Variants in STK24 observed in about 807,000 individuals in gnomAD.
The protein encoded by STK24 is serine/threonine kinase 24, also known as serine/threonine-protein kinase 24.
Under a neutral mutation model 55.6 loss-of-function variants are expected in STK24, and 21 were observed. That is an observed-to-expected ratio of 0.38 (90% CI 0.27 to 0.54). The LOEUF is 0.54. STK24 is among the 20% of genes least tolerant of loss of function. STK24 has a pLI of 0.79. For synonymous variants in STK24, 200 were observed against 215.2 expected, an observed-to-expected ratio of 0.93 and a Z score of 0.62; for missense variants, 383 against 538.4, an observed-to-expected ratio of 0.71 and a Z score of 2.86.
intron 5 of STK24, among the ~76,000 whole-genome samples, chr13:98,470,857 GAAGAA>G (rs1413024696): frequency 6.6e-6 from 1 of 152,178 alleles, no homozygotes; most frequent in African/African-American, 2.4e-5. Flanking sequence ...CTATAATCAA[GAAGAA>G]AACCAGGGAT....
chr13:98,478,153 A>G (rs1402917184), intron 3 of STK24, among the ~76,000 whole-genome samples: 1 of 152,198 alleles, frequency 6.6e-6, no homozygotes, highest in Non-Finnish European at 1.5e-5. Flanking sequence ...CCAAGTCAGC[A>G]GCTGGTGTTC....
intron 1 of STK24, among the ~76,000 whole-genome samples, chr13:98,575,585 G>A (rs1239293418): frequency 1.3e-5 from 2 of 152,168 alleles, no homozygotes; most frequent in Non-Finnish European, 2.9e-5. Flanking sequence ...CACTGGAAGA[G>A]GCGAGCAGAC....
chr13:98,563,846 C>T (rs920079572), intron 1 of STK24, among the ~76,000 whole-genome samples: 9 of 149,022 alleles, frequency 6.0e-5, no homozygotes, highest in Non-Finnish European at 8.9e-5. Flanking sequence ...GGTGAAGGAG[C>T]GAGACTCCGT....
At chr13:98,545,230 G>A (rs1951605213) in intron 1 of STK24, among the ~76,000 whole-genome samples, 1 of 152,222 alleles carries the variant, frequency 6.6e-6, no homozygotes, top group Non-Finnish European at 1.5e-5. Flanking sequence ...GATGTTAACA[G>A]TATGTTCTCT....
intron 2 of STK24, among the ~76,000 whole-genome samples, chr13:98,512,710 C>T (rs1895927584): frequency 8.5e-6 from 1 of 117,946 alleles, no homozygotes; most frequent in Non-Finnish European, 2.1e-5. Flanking sequence ...CAGTTTGCTA[C>T]AAAACATGCA....
intron 1 of STK24, among the ~76,000 whole-genome samples, chr13:98,575,844 AGGACG>A (rs1465385099): frequency 6.6e-6 from 1 of 152,164 alleles, no homozygotes; most frequent in Admixed American, 6.5e-5. Flanking sequence ...GAGTTAGCCA[AGGACG>A]GTAGCTTTGT....
At chr13:98,494,611 C>T (rs943590221) in intron 2 of STK24, among the ~76,000 whole-genome samples, 4 of 152,098 alleles carry the variant, frequency 2.6e-5, no homozygotes, top group Admixed American at 6.5e-5. Context: ...GTCTGTTCAA[C>T]GCTTGATTGT....
At chr13:98,474,706 C>G (rs1345993587) in intron 5 of STK24, 115 bp downstream of exon 5, 9 of 1,317,342 alleles carry the variant, frequency 6.8e-6, no homozygotes, top group Non-Finnish European at 9.4e-6. Flanking sequence ...ACCTTTATGA[C>G]CTACCTCAAG....
intron 2 of STK24, among the ~76,000 whole-genome samples, chr13:98,491,472 TA>T (rs1281999107): frequency 6.6e-6 from 1 of 152,004 alleles, no homozygotes; most frequent in Non-Finnish European, 1.5e-5. Flanking sequence ...AACTTAAACA[TA>T]GGGGTGCACG....
intron 1 of STK24, among the ~76,000 whole-genome samples, chr13:98,540,234 A>G (rs1168570329): frequency 3.3e-5 from 5 of 152,248 alleles, no homozygotes; most frequent in Non-Finnish European, 5.9e-5. Flanking sequence ...CCTGTGAATG[A>G]CGATGAGGAA....
chr13:98,526,315 G>A (rs938437973), intron 1 of STK24, among the ~76,000 whole-genome samples: 3 of 152,086 alleles, frequency 2.0e-5, no homozygotes, highest in Admixed American at 6.5e-5. Flanking sequence ...TGCACACAGC[G>A]TGTAGCCAGC....
chr13:98,523,592 G>A (rs973967108), intron 1 of STK24, among the ~76,000 whole-genome samples: 2 of 152,168 alleles, frequency 1.3e-5, no homozygotes, highest in African/African-American at 2.4e-5. Flanking sequence ...GCTGGCAATC[G>A]AAAATGGTGT....
chr13:98,467,006 ACAGT>A (rs1893950113), intron 5 of STK24, among the ~76,000 whole-genome samples: 1 of 152,220 alleles, frequency 6.6e-6, no homozygotes, highest in Non-Finnish European at 1.5e-5. Context: ...TGCCAGTTCT[ACAGT>A]CAAAGTCCTG....
At chr13:98,548,646 G>A (rs1376078544) in intron 1 of STK24, among the ~76,000 whole-genome samples, 1 of 152,098 alleles carries the variant, frequency 6.6e-6, no homozygotes, top group East Asian at 1.9e-4. Context: ...TGGATTACCT[G>A]AGGTCAGGAG....
intron 2 of STK24, 66 bp downstream of exon 2, chr13:98,519,177 C>T (rs1334994995): frequency 7.5e-7 from 1 of 1,329,418 alleles, no homozygotes; most frequent in Non-Finnish European, 1.1e-6. Context: ...CAGAGTCCTT[C>T]CCATTCCCTG....
At position 98,446,333 on chromosome 13, in the gene STK24, C is replaced by G; in HGVS notation, c.*6840G>C. The G allele has an allele frequency of 1.5e-6, 1 of 651,906 alleles. No individual in the cohort carries two copies. The highest frequency in any genetic ancestry group is 2.7e-6 in the Non-Finnish European group (1 of 369,926). 40.4% of individuals were successfully genotyped at this position (651,906 alleles called of 1,614,324 possible). On this transcript the variant is annotated 3_prime_UTR_variant, in exon 11 of 11. Coordinates refer to ENST00000539966, the MANE Select transcript of STK24 (RefSeq NM_001032296.4). ...AGGTGTCACGGGGATGACAGGGATG[C>G]TGGCGGGGGGCCCTGTCCACCCGAG...
intron 1 of STK24, among the ~76,000 whole-genome samples, chr13:98,546,662 A>G (rs1897035081): frequency 6.6e-6 from 1 of 152,130 alleles, no homozygotes; most frequent in Admixed American, 6.5e-5. Context: ...CTTCAACCCT[A>G]CAAACGCAGG....
At position 98,472,247 on chromosome 13, in the gene STK24, C is replaced by T. The variant is rs377090767; in HGVS notation, c.597+2574G>A. On this transcript the variant is annotated intron_variant, in intron 5 of 10. Transcript: ENST00000539966. ...ACGCAGACACAGACGTGACCCTCAT[C>T]GGCCCTCACCACACGCCTCCCGGGT... 4.6e-5 allele frequency among the ~76,000 whole-genome samples: 7 copies of T among 152,358 alleles called. No individual in the cohort carries two copies. In the East Asian group the frequency reaches 1.2e-3, roughly 25 times the overall value.
intron 9 of STK24, among the ~76,000 whole-genome samples, chr13:98,459,834 C>G (rs1893625444): frequency 2.0e-5 from 3 of 152,334 alleles, no homozygotes; most frequent in South Asian, 2.1e-4. Flanking sequence ...TCTTATAAAG[C>G]CTACTTTTGA....
Sources: gnomAD v4.1 joint callset for allele counts (sites outside exome capture counted in the v4.1 genomes callset) on GRCh38, gnomAD v4.1.1 for gene constraint, MANE v1.5 for transcripts, NCBI Gene and HGNC (gene_info 2026-07-23, HGNC 2026-07-21) for gene names.